Variants in KLHL29 observed in about 807,000 individuals in gnomAD.
KLHL29 encodes the protein kelch-like protein 29.
Under a neutral mutation model 80.4 loss-of-function variants are expected in KLHL29, and 21 were observed. The observed-to-expected ratio is 0.26, with a 90% CI of 0.19 to 0.38. The LOEUF (loss-of-function observed/expected upper bound fraction) is 0.38. KLHL29 is among the 10% of genes least tolerant of loss of function. The pLI, the probability that KLHL29 is intolerant of heterozygous loss-of-function variation, is 1.00. For missense variants in KLHL29, 867 were observed against 1,223.9 expected (o/e 0.71, Z 4.35); for synonymous variants, 511 against 526.8 (o/e 0.97, Z 0.41).
rs1405194960 is a variant in KLHL29 at position 23,684,272 on chromosome 2, G to C, written c.941-127G>C. On this transcript the variant is annotated intron_variant, in intron 5 of 13. Coordinates refer to ENST00000486442, the MANE Select transcript of KLHL29 (RefSeq NM_052920.2). This position sits in a 1 kb window ranked among gnomAD's most constrained non-coding sequence, Gnocchi z 4.4. The stretch of plus-strand genomic sequence containing the variant: ...TGACTGTCAGTGTTGAGCCAGTCTT[G>C]CCAAGAAACAATATCAAGTATTTCC... The C allele has an allele frequency of 6.0e-6, 4 of 671,426 alleles. No homozygotes were observed. The highest frequency in any genetic ancestry group is 3.8e-5 in the African/African-American group (2 of 53,308). The allele number at this position is 671,426 out of a possible 1,614,324, so 41.6% of individuals were successfully genotyped here.
chr2:23,405,801 A>G (rs1461117394), intron 1 of KLHL29, among the ~76,000 whole-genome samples: 1 of 152,184 alleles, frequency 6.6e-6, no homozygotes, highest in Admixed American at 6.5e-5. Flanking sequence ...CTTTGAGCAC[A>G]TGGTTTTGGA....
chr2:23,643,242 C>T (rs754450090), intron 5 of KLHL29: 2 of 387,382 alleles, frequency 5.2e-6, no homozygotes, highest in Non-Finnish European at 1.0e-5. Context: ...CCTTTGGGGG[C>T]CTTCTCCACA....
chr2:23,453,176 A>C (rs1663940132), intron 1 of KLHL29, among the ~76,000 whole-genome samples: 1 of 151,852 alleles, frequency 6.6e-6, no homozygotes, highest in Non-Finnish European at 1.5e-5. Context: ...GTTCTTATTG[A>C]CTTGAGGGTT....
chr2:23,497,764 A>C (rs561380801), intron 2 of KLHL29, among the ~76,000 whole-genome samples: 3 of 152,314 alleles, frequency 2.0e-5, no homozygotes, highest in African/African-American at 7.2e-5. Context: ...TGGTGCGTGC[A>C]TGTGACCTGA....
At chr2:23,445,523 A>G (rs1663649104) in intron 1 of KLHL29, among the ~76,000 whole-genome samples, 1 of 152,210 alleles carries the variant, frequency 6.6e-6, no homozygotes, top group African/African-American at 2.4e-5. Context: ...CTCTGTCCAT[A>G]GGCTGTTGGG....
At chr2:23,563,999 T>A (rs11125109) in intron 3 of KLHL29, among the ~76,000 whole-genome samples, 1 of 152,152 alleles carries the variant, frequency 6.6e-6, no homozygotes, top group Non-Finnish European at 1.5e-5. Context: ...CCGCTGGACC[T>A]GCTGGCCACA....
chr2:23,645,999 A>G (rs927535863), intron 5 of KLHL29, among the ~76,000 whole-genome samples: 1 of 152,212 alleles, frequency 6.6e-6, no homozygotes, highest in Non-Finnish European at 1.5e-5. Flanking sequence ...TTACAAGACA[A>G]ATCTTTCTTT....
In KLHL29 at chr2:23,695,776, C is replaced by A; in HGVS notation, c.1696C>A (p.Arg566Ser). 6.4e-7 allele frequency: 1 copy of A among 1,551,276 alleles called. No individual in the cohort carries two copies. Among genetic ancestry groups the A allele is most frequent in the Non-Finnish European group, 8.7e-7 (1 of 1,146,974 alleles). ...AKRYHMLPHA[R>S]QEMQTPRTRP... Reference sequence around the variant, plus strand: ...ACGCTACCATATGCTGCCCCACGCCCGCCAGGAGATGCAGACGCCCCGAAC... The same window carrying A: ...ACGCTACCATATGCTGCCCCACGCCAGCCAGGAGATGCAGACGCCCCGAAC... Residue 566 changes from arginine to serine, a missense_variant, in exon 9 of 14, where the codon CGC (arginine) becomes AGC (serine). Transcript: ENST00000486442. The surrounding 1 kb of genome is among the most constrained non-coding windows in gnomAD (Gnocchi z 7.6).
chr2:23,658,128 C>A (rs1410201390), intron 5 of KLHL29, among the ~76,000 whole-genome samples: 1 of 152,046 alleles, frequency 6.6e-6, no homozygotes, highest in East Asian at 1.9e-4. Flanking sequence ...TCCCATCCTT[C>A]CTCTACCCTC....
intron 1 of KLHL29, among the ~76,000 whole-genome samples, chr2:23,419,522 CATCTCTTTA>C (rs1438200589): frequency 2.0e-5 from 3 of 152,220 alleles, no homozygotes; most frequent in Non-Finnish European, 2.9e-5. Flanking sequence ...AGGCTTGACT[CATCTCTTTA>C]ATCACTGTGG....
Position 23,501,874 on chromosome 2 carries a change from C to G in KLHL29, c.-46+26207C>G, listed in dbSNP as rs567993521. On this transcript the variant is annotated intron_variant, in intron 2 of 13. Coordinates refer to ENST00000486442, the MANE Select transcript of KLHL29 (RefSeq NM_052920.2). Reference sequence around the variant, plus strand: ...CATTCCCATCAGCCCAGAAAGCCCCCTCGTGCCCCTTCCCAGGCATCCCCC... The same window carrying G: ...CATTCCCATCAGCCCAGAAAGCCCCGTCGTGCCCCTTCCCAGGCATCCCCC... Among the ~76,000 whole-genome samples the G allele has an allele frequency of 2.6e-5, 4 of 152,332 alleles. No individual in the cohort carries two copies. The South Asian group carries it at 8.3e-4, about 32-fold the overall frequency.
intron 4 of KLHL29, among the ~76,000 whole-genome samples, chr2:23,639,884 G>A (rs1485723388): frequency 6.6e-6 from 1 of 152,162 alleles, no homozygotes; most frequent in African/African-American, 2.4e-5. Context: ...AAACACACCA[G>A]GCCATTCAGC....
intron 2 of KLHL29, among the ~76,000 whole-genome samples, chr2:23,553,382 C>T (rs1003426745): frequency 4.6e-5 from 7 of 152,236 alleles, no homozygotes; most frequent in Admixed American, 3.9e-4. Context: ...ACCTTAGGTT[C>T]CTCATCCTAG....
intron 3 of KLHL29, among the ~76,000 whole-genome samples, chr2:23,627,603 C>T (rs527946625): frequency 2.0e-4 from 31 of 152,300 alleles, no homozygotes; most frequent in African/African-American, 7.5e-4. Flanking sequence ...TCTGAGGAGC[C>T]GCCTCCGAGG....
At chr2:23,540,874 G>A (rs1666812736) in intron 2 of KLHL29, among the ~76,000 whole-genome samples, 3 of 152,230 alleles carry the variant, frequency 2.0e-5, no homozygotes, top group Admixed American at 2.0e-4. Context: ...TGATCCTGAA[G>A]GAAGAGAGAC....
At chr2:23,474,864 A>G (rs1558351483) in intron 1 of KLHL29, among the ~76,000 whole-genome samples, 1 of 152,150 alleles carries the variant, frequency 6.6e-6, no homozygotes, top group Non-Finnish European at 1.5e-5. Context: ...CCAGGTAATG[A>G]CAGTCGTGCG....
intron 3 of KLHL29, among the ~76,000 whole-genome samples, chr2:23,606,470 C>T (rs186328456): frequency 2.6e-5 from 4 of 152,306 alleles, no homozygotes; most frequent in Admixed American, 6.5e-5. Flanking sequence ...ATCTAAGGCA[C>T]GGGGTTAGGC....
intron 2 of KLHL29, among the ~76,000 whole-genome samples, chr2:23,522,497 C>T (rs1445852115): frequency 6.6e-6 from 1 of 151,720 alleles, no homozygotes; most frequent in East Asian, 1.9e-4. Context: ...TGTTTGGGAT[C>T]ACAGAAGGAT....
intron 5 of KLHL29, among the ~76,000 whole-genome samples, chr2:23,651,255 C>T (rs1268252889): frequency 1.3e-5 from 2 of 152,084 alleles, no homozygotes; most frequent in Non-Finnish European, 2.9e-5. Flanking sequence ...AAGGGAAGCC[C>T]AAGTGTTTTC....
Sources: gnomAD v4.1 joint callset for allele counts (sites outside exome capture counted in the v4.1 genomes callset) on GRCh38, gnomAD v4.1.1 for gene constraint, Gnocchi (gnomAD v3.1) non-coding constraint, MANE v1.5 for transcripts, NCBI Gene and HGNC (gene_info 2026-07-23, HGNC 2026-07-21) for gene names.